IHO1: variants seen among roughly 807,000 people sequenced by gnomAD.
The protein encoded by IHO1 is interactor of HORMAD1 protein 1.
A neutral mutation model predicts 31.0 loss-of-function variants in IHO1; 13 were observed. The observed-to-expected ratio is 0.42, with a 90% CI of 0.27 to 0.67. The LOEUF (loss-of-function observed/expected upper bound fraction) is 0.67. Ranked by LOEUF, IHO1 falls within the 30% of genes least tolerant of loss-of-function variation. The probability of loss-of-function intolerance (pLI) is 0.24; values close to 1 mark genes in which losing one functional copy is unlikely to be tolerated. For synonymous variants in IHO1, 221 were observed against 248.4 expected, an observed-to-expected ratio of 0.89 and a Z score of 1.04; for missense variants, 599 against 687.5, an observed-to-expected ratio of 0.87 and a Z score of 1.44.
At chr3:49,236,817 G>T in intron 3 of IHO1, 95 bp downstream of exon 3, 1 of 1,202,718 alleles carries the variant, frequency 8.3e-7, no homozygotes, top group South Asian at 1.6e-5. Flanking sequence ...TGCAATGGCT[G>T]ACACCTGTAA....
chr3:49,218,117 T>C (rs1353814260), intron 2 of IHO1, among the ~76,000 whole-genome samples: 1 of 152,162 alleles, frequency 6.6e-6, no homozygotes, highest in East Asian at 1.9e-4. Flanking sequence ...TCTTGGCTGC[T>C]TGAGCTGGCT....
chr3:49,210,432 C>T (rs536361924), intron 1 of IHO1, among the ~76,000 whole-genome samples: 3 of 151,406 alleles, frequency 2.0e-5, no homozygotes, highest in Non-Finnish European at 4.4e-5. Flanking sequence ...GAGTCTCACT[C>T]GATCGCCCAG....
intron 1 of IHO1, among the ~76,000 whole-genome samples, chr3:49,200,396 C>T (rs372929419): frequency 1.1e-4 from 17 of 148,022 alleles, no homozygotes; most frequent in African/African-American, 3.5e-4. Flanking sequence ...ACCTGGGAGG[C>T]GGAGGTGGCA....
intron 4 of IHO1, among the ~76,000 whole-genome samples, chr3:49,244,068 T>G (rs1334260410): frequency 6.6e-6 from 1 of 151,574 alleles, no homozygotes; most frequent in African/African-American, 2.4e-5. Flanking sequence ...AATTCTCCTG[T>G]CTCAGCCTCC....
At chr3:49,242,835 A>G (rs901097865) in intron 4 of IHO1, among the ~76,000 whole-genome samples, 8 of 152,136 alleles carry the variant, frequency 5.3e-5, no homozygotes, top group Non-Finnish European at 7.4e-5. Flanking sequence ...CAACAACAAC[A>G]ACAAAAAAGA....
chr3:49,226,356 A>C (rs1200189455), intron 2 of IHO1, among the ~76,000 whole-genome samples: 1 of 152,156 alleles, frequency 6.6e-6, no homozygotes, highest in Non-Finnish European at 1.5e-5. Context: ...TTTTAGGATC[A>C]ATTGACCCTC....
At chr3:49,237,043 C>T (rs567252225) in intron 3 of IHO1, among the ~76,000 whole-genome samples, 72 of 151,246 alleles carry the variant, frequency 4.8e-4, no homozygotes, top group African/African-American at 1.7e-3. Flanking sequence ...AGAGTGAGAA[C>T]CTGTCTCAAA....
At chr3:49,228,602 G>T (rs970629624) in intron 2 of IHO1, among the ~76,000 whole-genome samples, 1 of 152,154 alleles carries the variant, frequency 6.6e-6, no homozygotes, top group African/African-American at 2.4e-5. Context: ...ATGAAGCTGT[G>T]GACCTTCGCG....
the IHO1 span, among the ~76,000 whole-genome samples, chr3:49,192,297 G>A: frequency 6.6e-6 from 1 of 152,140 alleles, no homozygotes; most frequent in African/African-American, 2.4e-5. Context: ...AATGTTACAA[G>A]GGCCAAGTAA....
At chr3:49,201,145 C>A (rs1360709477) in intron 1 of IHO1, among the ~76,000 whole-genome samples, 3 of 152,040 alleles carry the variant, frequency 2.0e-5, no homozygotes, top group Non-Finnish European at 2.9e-5. Flanking sequence ...AGGCACCCGC[C>A]ACCACACCCG....
intron 6 of IHO1, chr3:49,244,946 C>A (rs1364930725): frequency 3.2e-6 from 2 of 616,142 alleles, no homozygotes; most frequent in Non-Finnish European, 5.9e-6. Context: ...CCCATGATGC[C>A]TTTTGTGAGG....
At chr3:49,225,393 G>T (rs868002517) in intron 2 of IHO1, among the ~76,000 whole-genome samples, 1 of 152,094 alleles carries the variant, frequency 6.6e-6, no homozygotes, top group Middle Eastern at 3.2e-3. Context: ...AACCCAGGAG[G>T]CAGAGGTTGC....
intron 2 of IHO1, among the ~76,000 whole-genome samples, chr3:49,225,330 G>T (rs377208362): frequency 6.6e-6 from 1 of 152,170 alleles, no homozygotes; most frequent in Non-Finnish European, 1.5e-5. Context: ...GGGCATGGTG[G>T]TGGGTGCCTG....
rs748777060 is a variant in IHO1 at position 49,244,670 on chromosome 3, G to A, written c.469G>A (p.Glu157Lys). 3 of 1,614,026 alleles carry A rather than the reference G, an allele frequency of 1.9e-6. No homozygotes were observed. The highest frequency in any genetic ancestry group is 2.2e-5 in the East Asian group (1 of 44,882). The change falls in exon 6 of 8, where the codon GAG (glutamate) becomes AAG (lysine). Residue 157 changes from glutamate to lysine, a missense_variant. Physicochemically the swap from Glu to Lys is moderately conservative, Grantham distance 56. Transcript: ENST00000452691. ...LRLQTSVEKS[E>K]DHLSSRSQSI... ...GTTGCAGACGTCTGTGGAAAAGTCT[G>A]AGGACCATCTCAGTTCAAGAAGCCA...
At chr3:49,211,865 C>T in intron 2 of IHO1, 29 bp downstream of exon 2, 1 of 1,352,106 alleles carries the variant, frequency 7.4e-7, no homozygotes, top group Non-Finnish European at 1.1e-6. Context: ...TTGTCTGATC[C>T]TTAAGAGGAT....
upstream of IHO1, among the ~76,000 whole-genome samples, chr3:49,193,927 A>G (rs907317182): frequency 4.0e-5 from 6 of 148,622 alleles, no homozygotes; most frequent in African/African-American, 1.5e-4. Context: ...GTGCCACTGT[A>G]CTCCAGCCTG....
At chr3:49,211,006 G>GT (rs59697636) in intron 1 of IHO1, among the ~76,000 whole-genome samples, 1,972 of 116,694 alleles carry the variant, frequency 0.017, 81 homozygotes, top group African/African-American at 0.05. Context: ...TCTCCATTTA[G>GT]TTTTTTTTTT....
rs948069594 is a variant in IHO1, at chr3:49,247,695, G to A, written c.532+2962G>A. On this transcript the variant is annotated intron_variant, in intron 6 of 7. Coordinates refer to ENST00000452691, the MANE Select transcript of IHO1 (RefSeq NM_001135197.2). Reference sequence around the variant, plus strand: ...TCCCAGGTACTAGGGAGGGTGAGGTGGGAGGATCGCTTGAGTCTGGGACGT... The same window carrying A: ...TCCCAGGTACTAGGGAGGGTGAGGTAGGAGGATCGCTTGAGTCTGGGACGT... Among the ~76,000 whole-genome samples, 12 of 152,088 alleles carry A rather than the reference G, an allele frequency of 7.9e-5. No homozygotes were observed. The East Asian group carries it at 1.7e-3, about 22-fold the overall frequency.
chr3:49,234,513 A>G (rs557009731), intron 2 of IHO1, among the ~76,000 whole-genome samples: 1 of 152,098 alleles, frequency 6.6e-6, no homozygotes, highest in East Asian at 1.9e-4. Flanking sequence ...CACCAATCCT[A>G]TCATAAGAAC....
Sources: gnomAD v4.1 joint callset for allele counts (sites outside exome capture counted in the v4.1 genomes callset) on GRCh38, gnomAD v4.1.1 for gene constraint, MANE v1.5 for transcripts, NCBI Gene and HGNC (gene_info 2026-07-23, HGNC 2026-07-21) for gene names.